FAT1: variants seen among roughly 807,000 people sequenced by gnomAD.
FAT1 encodes the protein protocadherin Fat 1.
A neutral mutation model predicts 329.8 loss-of-function variants in FAT1; 171 were observed. That is an observed-to-expected ratio of 0.52 (90% CI 0.46 to 0.59). The LOEUF (loss-of-function observed/expected upper bound fraction) is 0.59, where lower values mean the gene tolerates loss of function less well. FAT1 is among the 20% of genes least tolerant of loss of function. The probability of loss-of-function intolerance (pLI) is 0.00; values close to 1 mark genes in which losing one functional copy is unlikely to be tolerated. For missense variants in FAT1, 5,672 were observed against 5,774.4 expected (o/e 0.98, Z 0.57); for synonymous variants, 2,233 against 2,228.6 (o/e 1.00, Z -0.06).
chr4:186,689,824 C>A lies in FAT1; in HGVS notation c.3265+16739G>T, dbSNP rs73873691. ...GACTCCGCACACCACCTCACCTGGG[C>A]GATCAAGCCTTGCTTTGTTGGTGGT... On this transcript the variant is annotated intron_variant, in intron 2 of 26. Coordinates refer to ENST00000441802, the MANE Select transcript of FAT1 (RefSeq NM_005245.4). Among the ~76,000 whole-genome samples, 51 of 152,274 alleles carry A rather than the reference C, an allele frequency of 3.3e-4. 1 individual carries two copies. The highest frequency in any genetic ancestry group is 1.2e-3 in the African/African-American group (48 of 41,562).
rs1004361112 is a variant in FAT1 at position 186,663,327 on chromosome 4, T to C, written c.3552A>G (p.Gln1184=). The C allele has an allele frequency of 1.2e-6, 2 of 1,613,840 alleles. No individual in the cohort carries two copies. Among genetic ancestry groups the C allele is most frequent in the Non-Finnish European group, 1.7e-6 (2 of 1,179,740 alleles). Reference sequence around the variant, plus strand: ...TTTTAGGATGTATTGAAAAGAATCCTTGTGGATTTCCACTTGTAATTTTGT... The same window carrying C: ...TTTTAGGATGTATTGAAAAGAATCCCTGTGGATTTCCACTTGTAATTTTGT... ...LMYKITSGNP[Q]GFFSIHPKTG... The change falls in exon 3 of 27, where the codon CAA becomes CAG. Residue 1184 remains glutamine (Q), a synonymous_variant. Coordinates refer to ENST00000441802, the MANE Select transcript of FAT1 (RefSeq NM_005245.4).
At chr4:186,605,970 T>A (rs1739114116) in intron 17 of FAT1, 100 bp downstream of exon 17, 3 of 1,159,230 alleles carry the variant, frequency 2.6e-6, no homozygotes, top group Non-Finnish European at 3.7e-6. Context: ...TTTCCCATTT[T>A]TCTAGAAAGA....
chr4:186,682,324 C>T (rs774077404), intron 2 of FAT1, among the ~76,000 whole-genome samples: 23 of 152,134 alleles, frequency 1.5e-4, no homozygotes, highest in Admixed American at 5.9e-4. Flanking sequence ...GTCAGGAGTT[C>T]GAGAACAGCC....
intron 3 of FAT1, among the ~76,000 whole-genome samples, chr4:186,652,604 G>C (rs956145381): frequency 1.3e-5 from 2 of 152,098 alleles, no homozygotes; most frequent in Admixed American, 1.3e-4. Context: ...AAATATCTGC[G>C]TATCTTGGTA....
chr4:186,692,037 A>G (rs1743791028), intron 2 of FAT1, among the ~76,000 whole-genome samples: 2 of 152,036 alleles, frequency 1.3e-5, no homozygotes, highest in African/African-American at 2.4e-5. Flanking sequence ...TCTCTGTTAA[A>G]GAAGGCCACA....
At chr4:186,674,706 T>G (rs74649594) in intron 2 of FAT1, among the ~76,000 whole-genome samples, 3,098 of 152,294 alleles carry the variant, frequency 0.02, 150 homozygotes, top group East Asian at 0.14. Context: ...GCTCTCTATT[T>G]AGGAAGTTAC....
At chr4:186,624,986 C>G (rs1213001063) in intron 9 of FAT1, among the ~76,000 whole-genome samples, 2 of 152,152 alleles carry the variant, frequency 1.3e-5, no homozygotes, top group Non-Finnish European at 2.9e-5. Context: ...AGTCCTAATT[C>G]TATGCCAGAA....
At chr4:186,624,458 A>G (rs1024024008) in intron 9 of FAT1, among the ~76,000 whole-genome samples, 2 of 152,172 alleles carry the variant, frequency 1.3e-5, no homozygotes, top group African/African-American at 2.4e-5. Flanking sequence ...ATCAATAAGT[A>G]TATTTATTTA....
At chr4:186,683,313 A>T (rs1443323987) in intron 2 of FAT1, among the ~76,000 whole-genome samples, 4 of 152,070 alleles carry the variant, frequency 2.6e-5, no homozygotes, top group African/African-American at 9.7e-5. Flanking sequence ...TCTCTCCAGA[A>T]GAATAGCTCC....
At chr4:186,684,521 C>T (rs79766968) in intron 2 of FAT1, among the ~76,000 whole-genome samples, 8,832 of 152,296 alleles carry the variant, frequency 0.058, 311 homozygotes, top group Middle Eastern at 0.11. Context: ...GAAAATGGAA[C>T]TGACGCTCGG....
chr4:186,646,622 T>G (rs183759445), intron 3 of FAT1, among the ~76,000 whole-genome samples: 17 of 152,264 alleles, frequency 1.1e-4, no homozygotes, highest in Non-Finnish European at 1.8e-4. Context: ...ACTAAAAACT[T>G]TAACATCTGC....
intron 11 of FAT1, 109 bp from the exon 12 acceptor site, chr4:186,614,453 G>A: frequency 1.4e-6 from 1 of 696,510 alleles, no homozygotes; most frequent in Non-Finnish European, 2.1e-6. Flanking sequence ...GAAAACATGG[G>A]AAATGACTAA....
At chr4:186,673,122 AT>A (rs1430760248) in intron 2 of FAT1, among the ~76,000 whole-genome samples, 1 of 152,204 alleles carries the variant, frequency 6.6e-6, no homozygotes, top group Non-Finnish European at 1.5e-5. Flanking sequence ...GTTCAGAAAA[AT>A]TTTTTAAACA....
intron 12 of FAT1, among the ~76,000 whole-genome samples, chr4:186,613,857 A>G (rs1739579609): frequency 6.6e-6 from 1 of 152,242 alleles, no homozygotes; most frequent in African/African-American, 2.4e-5. Context: ...TCAAGAAAAT[A>G]TGCTATTTAA....
Position 186,618,158 on chromosome 4 carries a change from C to A in FAT1, c.8428G>T (p.Glu2810Ter), listed in dbSNP as rs2126491861. ...KDANDNSPVF[E>*]SSPYEAFIVE... ...ATGAATGCCTCATATGGACTAGATT[C>A]AAAGACCGGGCTGTTGTCATTTGCA... Residue 2810 changes from glutamate (E) to a stop codon, truncating the protein, a stop_gained, in exon 10 of 27, where the codon GAA (glutamate) becomes TAA (stop). Coordinates refer to ENST00000441802, the MANE Select transcript of FAT1 (RefSeq NM_005245.4). LOFTEE classifies it high-confidence loss of function. 1 of 1,613,992 alleles carries A rather than the reference C, an allele frequency of 6.2e-7. No individual in the cohort carries two copies. Among genetic ancestry groups the A allele is most frequent in the Non-Finnish European group, 8.5e-7 (1 of 1,179,882 alleles).
At chr4:186,604,301 A>G (rs1738984245) in intron 18 of FAT1, 76 bp downstream of exon 18, 4 of 1,253,358 alleles carry the variant, frequency 3.2e-6, no homozygotes, top group Non-Finnish European at 4.5e-6. Context: ...AAGCTGTTCA[A>G]ATAGAAGAGG....
chr4:186,685,275 A>C (rs1472126748), intron 2 of FAT1, among the ~76,000 whole-genome samples: 2 of 152,232 alleles, frequency 1.3e-5, no homozygotes, highest in Non-Finnish European at 2.9e-5. Context: ...ACATTTCTAT[A>C]TCCTTAAATA....
intron 6 of FAT1, 102 bp downstream of exon 6, chr4:186,635,923 C>A: frequency 9.9e-7 from 1 of 1,005,088 alleles, no homozygotes. Flanking sequence ...CGATCTTATT[C>A]CCAATTTTAA....
intron 1 of FAT1, 99 bp downstream of exon 1, chr4:186,723,565 A>G (rs144059681): frequency 0.01 from 1,561 of 152,260 alleles, 15 homozygotes; most frequent in South Asian, 0.015. Context: ...GCAGCGCCGG[A>G]GCCCGAGCCG....
Sources: gnomAD v4.1 joint callset for allele counts (sites outside exome capture counted in the v4.1 genomes callset) on GRCh38, gnomAD v4.1.1 for gene constraint, MANE v1.5 for transcripts, NCBI Gene and HGNC (gene_info 2026-07-23, HGNC 2026-07-21) for gene names.